ZNF728: variants seen among roughly 807,000 people sequenced by gnomAD.
The protein encoded by ZNF728 is zinc finger protein 728.
Under a neutral mutation model 12.5 loss-of-function variants are expected in ZNF728, and 12 were observed. That is an observed-to-expected ratio of 0.96 (90% confidence interval 0.61 to 1.55). The LOEUF (loss-of-function observed/expected upper bound fraction) is 1.55. Ranked by LOEUF, ZNF728 falls within the 40% of genes most tolerant of loss-of-function variation. The pLI is 0.00. For missense variants in ZNF728, 692 were observed against 719.2 expected, an observed-to-expected ratio of 0.96 and a Z score of 0.43; for synonymous variants, 205 against 240.7, an observed-to-expected ratio of 0.85 and a Z score of 1.37.
intron 3 of ZNF728, among the ~76,000 whole-genome samples, chr19:22,977,488 A>C (rs1968819400): frequency 6.6e-6 from 1 of 152,048 alleles, no homozygotes; most frequent in African/African-American, 2.4e-5. Context: ...CATACAATTT[A>C]ATTTCTGTCT....
At position 23,003,105 on chromosome 19, in the gene ZNF728, T is replaced by C; in HGVS notation, c.-75A>G. 6.6e-7 allele frequency: 1 copy of C among 1,515,066 alleles called. No homozygotes were observed. The highest frequency in any genetic ancestry group is 8.9e-7 in the Non-Finnish European group (1 of 1,129,842). 93.9% of individuals were successfully genotyped at this position (1,515,066 alleles called of 1,614,324 possible). On this transcript the variant is annotated 5_prime_UTR_variant, in exon 1 of 4. Coordinates refer to ENST00000594710, the MANE Select transcript of ZNF728 (RefSeq NM_001267716.2). ...CTGCAGGTCACAGGGCCATAGAAGC[T>C]GGGCCTTTAGGAGCGGACGACACAC...
At chr19:22,993,652 G>C (rs1383442779) in intron 1 of ZNF728, among the ~76,000 whole-genome samples, 1 of 152,158 alleles carries the variant, frequency 6.6e-6, no homozygotes, top group Non-Finnish European at 1.5e-5. Flanking sequence ...TTGGTTGCGA[G>C]AAATTCTTAT....
intron 1 of ZNF728, among the ~76,000 whole-genome samples, chr19:22,992,631 C>T (rs75194924): frequency 0.016 from 2,436 of 152,162 alleles, 32 homozygotes; most frequent in East Asian, 0.043. Flanking sequence ...GTCTGAGCCT[C>T]GAGACCTCCT....
In ZNF728 at chr19:22,998,346, C is replaced by T. The variant is rs1209260024; in HGVS notation, c.3+4682G>A. Reference sequence around the variant, plus strand: ...ACCGGCATGGACAACATAGCAAAATCCCATCTATAAAAAAAAAAAAAACAT... The same window carrying T: ...ACCGGCATGGACAACATAGCAAAATTCCATCTATAAAAAAAAAAAAAACAT... On this transcript the variant is annotated intron_variant, in intron 1 of 3. Coordinates refer to ENST00000594710, the MANE Select transcript of ZNF728 (RefSeq NM_001267716.2). Among the ~76,000 whole-genome samples, 7 of 140,594 alleles carry T rather than the reference C, an allele frequency of 5.0e-5. No homozygotes were observed. The East Asian group carries it at 1.4e-3, about 28-fold the overall frequency. 92.2% of individuals were successfully genotyped at this position (140,594 alleles called of 152,430 possible). A position where few individuals can be genotyped will look rare whatever the true frequency, so the allele number is the denominator to read the frequency against.
At chr19:22,986,977 A>T (rs1968922955) in intron 3 of ZNF728, among the ~76,000 whole-genome samples, 1 of 152,154 alleles carries the variant, frequency 6.6e-6, no homozygotes, top group Non-Finnish European at 1.5e-5. Context: ...TTTAACATGG[A>T]GTACCTTAAA....
At chr19:22,987,258 C>G (rs767540510) in intron 3 of ZNF728, 50 bp downstream of exon 3, 1 of 1,547,288 alleles carries the variant, frequency 6.5e-7, no homozygotes, top group Non-Finnish European at 8.7e-7. Context: ...CTGGCTTTCT[C>G]CTTGACTTTG....
intron 1 of ZNF728, among the ~76,000 whole-genome samples, chr19:22,992,157 G>A (rs1968995491): frequency 1.3e-5 from 2 of 152,144 alleles, no homozygotes; most frequent in Admixed American, 1.3e-4. Context: ...ACCATATGAT[G>A]TATAATTCAA....
chr19:22,975,826 C>A lies in ZNF728; in HGVS notation c.1511G>T (p.Gly504Val), dbSNP rs1402029817. The change falls in exon 4 of 4, where the codon GGA (glycine) becomes GTA (valine). Residue 504 changes from glycine to valine, a missense_variant. Physicochemically the swap from Gly to Val is moderately radical, Grantham distance 109 (BLOSUM62 -3). Coordinates refer to ENST00000594710, the MANE Select transcript of ZNF728 (RefSeq NM_001267716.2). ...TTCTTCACATTTGTAGGGTTTCTCT[C>A]CAGTATGAATTCTCTTATGTTCCAT... ...NLMEHKRIHT[G>V]EKPYKCEECG... The A allele has an allele frequency of 6.2e-7, 1 of 1,612,360 alleles. No individual in the cohort carries two copies. The highest frequency in any genetic ancestry group is 1.3e-5 in the African/African-American group (1 of 75,024).
chr19:22,987,466 T>A, intron 2 of ZNF728, 63 bp from the exon 3 acceptor site: 1 of 1,462,578 alleles, frequency 6.8e-7, no homozygotes, highest in African/African-American at 1.4e-5. Context: ...AACTTAGTAA[T>A]GTGCTCAGTA....
rs1465879778 is a variant in ZNF728, at chr19:22,975,829, G to C, written c.1508C>G (p.Thr503Ser). ...SNLMEHKRIH[T>S]GEKPYKCEEC... ...TTCACATTTGTAGGGTTTCTCTCCA[G>C]TATGAATTCTCTTATGTTCCATAAG... Residue 503 changes from threonine to serine, a missense_variant, in exon 4 of 4, where the codon ACT (threonine) becomes AGT (serine). Physicochemically the swap from Thr to Ser is moderately conservative, Grantham distance 58 (BLOSUM62 1). This residue lies in a region of ZNF728 where 244 missense variants were observed against 235.2 expected (regional missense o/e 1.04). Transcript: ENST00000594710. 1.1e-5 allele frequency: 18 copies of C among 1,612,276 alleles called. No homozygotes were observed. The highest frequency in any genetic ancestry group is 1.7e-5 in the Admixed American group (1 of 59,932).
intron 3 of ZNF728, among the ~76,000 whole-genome samples, chr19:22,979,695 G>A (rs1027255584): frequency 1.3e-5 from 2 of 152,128 alleles, no homozygotes; most frequent in Non-Finnish European, 2.9e-5. Context: ...AGAAGAGACT[G>A]GGAGCCAATA....
At chr19:22,999,609 G>C (rs1969085197) in intron 1 of ZNF728, among the ~76,000 whole-genome samples, 1 of 152,108 alleles carries the variant, frequency 6.6e-6, no homozygotes, top group Non-Finnish European at 1.5e-5. Flanking sequence ...CTTAGTTTTT[G>C]AAAATAAGTG....
Position 22,984,577 on chromosome 19 carries a change from T to TATAC in ZNF728, c.226+2730_226+2731insGTAT, listed in dbSNP as rs1555702599. Among the ~76,000 whole-genome samples the TATAC allele has an allele frequency of 1.6e-4, 18 of 109,250 alleles. No homozygotes were observed. In the East Asian group the frequency reaches 4.8e-3, roughly 29 times the overall value. 71.7% of individuals were successfully genotyped at this position (109,250 alleles called of 152,430 possible). A position where few individuals can be genotyped will look rare whatever the true frequency, so the allele number is the denominator to read the frequency against. ...CATCTCAAAAAAAAAAAAAAAAAAA[T>TATAC]ACACACACACACACACACACACACA... On this transcript the variant is annotated intron_variant, in intron 3 of 3. Coordinates refer to ENST00000594710, the MANE Select transcript of ZNF728 (RefSeq NM_001267716.2).
At chr19:22,981,668 A>G (rs1968862440) in intron 3 of ZNF728, among the ~76,000 whole-genome samples, 1 of 152,180 alleles carries the variant, frequency 6.6e-6, no homozygotes, top group Admixed American at 6.5e-5. Context: ...CACATCAAAA[A>G]GCTTATCCAC....
intron 3 of ZNF728, among the ~76,000 whole-genome samples, chr19:22,982,414 C>T (rs1323866292): frequency 1.3e-5 from 2 of 152,118 alleles, no homozygotes. Flanking sequence ...TAGGAAGAAT[C>T]AATATTGTGA....
chr19:22,979,391 G>A (rs1025189744), intron 3 of ZNF728, among the ~76,000 whole-genome samples: 1 of 152,112 alleles, frequency 6.6e-6, no homozygotes, highest in Admixed American at 6.5e-5. Flanking sequence ...ACATTTGATC[G>A]GGGTACCTGA....
rs181149812 is a variant in ZNF728 at position 22,983,942 on chromosome 19, C to T, written c.226+3366G>A. ...ATGGGTACAGCAAACCACCATGGCA[C>T]GTGCATACCTACGTAACAAACCTGC... On this transcript the variant is annotated intron_variant, in intron 3 of 3. Coordinates refer to ENST00000594710, the MANE Select transcript of ZNF728 (RefSeq NM_001267716.2). 8.5e-5 allele frequency among the ~76,000 whole-genome samples: 13 copies of T among 152,104 alleles called. No individual in the cohort carries two copies. In the East Asian group the frequency reaches 2.3e-3, roughly 27 times the overall value.
rs774413351 is a variant in ZNF728 at position 22,975,563 on chromosome 19, A to C, written c.1774T>G (p.Tyr592Asp). 1 of 1,593,710 alleles carries C rather than the reference A, an allele frequency of 6.3e-7. No individual in the cohort carries two copies. Among genetic ancestry groups the C allele is most frequent in the South Asian group, 1.1e-5 (1 of 89,102 alleles). The change falls in exon 4 of 4, where the codon TAC (tyrosine) becomes GAC (aspartate). Residue 592 changes from tyrosine (Y) to aspartate (D), a missense_variant. By Grantham distance (160) the Tyr-to-Asp change is radical. Coordinates refer to ENST00000594710, the MANE Select transcript of ZNF728 (RefSeq NM_001267716.2). Reference sequence around the variant, plus strand: ...TCTTTACCACATTCTTCACATTTGTAGAATTTCTTTCCAGCATGAATTTTC... The same window carrying C: ...TCTTTACCACATTCTTCACATTTGTCGAATTTCTTTCCAGCATGAATTTTC... ...HKKIHAGKKF[Y>D]KCEECGKDFN...
At chr19:22,991,947 T>C (rs1295144161) in intron 1 of ZNF728, among the ~76,000 whole-genome samples, 1 of 152,238 alleles carries the variant, frequency 6.6e-6, no homozygotes, top group Non-Finnish European at 1.5e-5. Context: ...TTTTATATTA[T>C]ATGCTAATAA....
Sources: gnomAD v4.1 joint callset for allele counts (sites outside exome capture counted in the v4.1 genomes callset) on GRCh38, gnomAD v4.1.1 for gene constraint, gnomAD v4.1.1 regional missense constraint, MANE v1.5 for transcripts, NCBI Gene and HGNC (gene_info 2026-07-23, HGNC 2026-07-21) for gene names.